The following VPS53 variants were observed in gnomAD, a reference collection of about 807,000 sequenced individuals.
The protein encoded by VPS53 is vacuolar protein sorting-associated protein 53 homolog.
A neutral mutation model predicts 107.0 loss-of-function variants in VPS53; 70 were observed. The observed-to-expected ratio is 0.65, with a 90% CI of 0.54 to 0.80. VPS53 has a LOEUF of 0.80. Ranked by LOEUF, VPS53 falls within the 30% of genes least tolerant of loss-of-function variation. The pLI, the probability that VPS53 is intolerant of heterozygous loss-of-function variation, is 0.00. For missense variants in VPS53, 917 were observed against 1,049.4 expected, an observed-to-expected ratio of 0.87 and a Z score of 1.74; for synonymous variants, 409 against 393.3, an observed-to-expected ratio of 1.04 and a Z score of -0.47.
In VPS53 at chr17:517,290, G is replaced by A. The variant is rs1292567112; in HGVS notation, c.*1838C>T. ...CAAATTTGAGACGCTTGATGCGTGAGAGTCAAACCAGCTAGCAAGGACAGC... is the reference window on the plus strand; with the variant it reads ...CAAATTTGAGACGCTTGATGCGTGAAAGTCAAACCAGCTAGCAAGGACAGC... On this transcript the variant is annotated 3_prime_UTR_variant, in exon 22 of 22. Coordinates refer to ENST00000437048, the MANE Select transcript of VPS53 (RefSeq NM_001128159.3). 4 of 395,356 alleles carry A rather than the reference G, an allele frequency of 1.0e-5. No homozygotes were observed. Among genetic ancestry groups the A allele is most frequent in the Non-Finnish European group, 1.8e-5 (4 of 224,462 alleles). 24.5% of individuals were successfully genotyped at this position (395,356 alleles called of 1,614,324 possible).
At chr17:626,161 A>T (rs1453287377) in intron 10 of VPS53, among the ~76,000 whole-genome samples, 1 of 151,888 alleles carries the variant, frequency 6.6e-6, no homozygotes, top group East Asian at 1.9e-4. Flanking sequence ...GTGAGCCATG[A>T]TCACACCACT....
chr17:543,701 C>T (rs920952180), intron 17 of VPS53, among the ~76,000 whole-genome samples: 8 of 150,410 alleles, frequency 5.3e-5, no homozygotes, highest in African/African-American at 2.0e-4. Context: ...CAAATAACTA[C>T]TTTTTCCAGA....
At chr17:578,202 T>C (rs1418165519) in intron 13 of VPS53, among the ~76,000 whole-genome samples, 1 of 151,972 alleles carries the variant, frequency 6.6e-6, no homozygotes, top group East Asian at 1.9e-4. Flanking sequence ...CAGAATCTAA[T>C]GCATTCCTAG....
intron 6 of VPS53, 29 bp downstream of exon 6, chr17:655,809 C>T: frequency 6.3e-7 from 1 of 1,585,946 alleles, no homozygotes; most frequent in Non-Finnish European, 8.6e-7. Flanking sequence ...TTTCCCGTGG[C>T]CCCAAAAGAG....
intron 18 of VPS53, 47 bp from the exon 19 acceptor site, chr17:532,958 G>A: frequency 6.3e-7 from 1 of 1,588,698 alleles, no homozygotes. Flanking sequence ...CTCTCTTGAG[G>A]AAAGAAATGC....
chr17:651,960 G>A (rs1970969098), intron 7 of VPS53, among the ~76,000 whole-genome samples: 1 of 152,106 alleles, frequency 6.6e-6, no homozygotes, highest in African/African-American at 2.4e-5. Context: ...AGGTTGGGGG[G>A]AAAGTCATCT....
chr17:556,144 T>TGGCCTGTATTTTCA (rs1912325407), intron 15 of VPS53, among the ~76,000 whole-genome samples: 2 of 152,080 alleles, frequency 1.3e-5, no homozygotes, highest in Admixed American at 1.3e-4. Flanking sequence ...CCAGGCATGG[T>TGGCCTGTATTTTCA]GGCAGGTGCC....
At chr17:657,268 G>A (rs1567714426) in intron 5 of VPS53, 23 of 887,074 alleles carry the variant, frequency 2.6e-5, no homozygotes, top group African/African-American at 5.0e-5. Flanking sequence ...TTGGTGTCAC[G>A]GATCAGATGG....
chr17:647,087 C>T (rs934484490), intron 7 of VPS53, among the ~76,000 whole-genome samples: 4 of 152,226 alleles, frequency 2.6e-5, no homozygotes, highest in African/African-American at 9.6e-5. Flanking sequence ...AGCCCTGTCT[C>T]CCTCTGCTGC....
At chr17:683,229 G>A (rs1283737765) in intron 4 of VPS53, among the ~76,000 whole-genome samples, 1 of 152,122 alleles carries the variant, frequency 6.6e-6, no homozygotes, top group Non-Finnish European at 1.5e-5. Flanking sequence ...AACATTTGAA[G>A]AGATAATGGC....
intron 7 of VPS53, among the ~76,000 whole-genome samples, chr17:643,884 G>A (rs331010): frequency 0.35 from 52,881 of 152,166 alleles, 11,026 homozygotes; most frequent in Non-Finnish European, 0.47. Context: ...GGAACTTGTC[G>A]AGGCCATAGA....
chr17:659,802 T>C (rs1474313218), intron 5 of VPS53, among the ~76,000 whole-genome samples: 2 of 152,172 alleles, frequency 1.3e-5, no homozygotes, highest in Admixed American at 6.5e-5. Context: ...CTATCCCTTC[T>C]CTCTACTCCT....
At position 624,150 on chromosome 17, in the gene VPS53, T is replaced by A. The variant is rs569005032; in HGVS notation, c.975-476A>T. Among the ~76,000 whole-genome samples, 4 of 152,202 alleles carry A rather than the reference T, an allele frequency of 2.6e-5. No homozygotes were observed. The South Asian group carries it at 8.3e-4, about 32-fold the overall frequency. ...TGGGATTATAGGTGTGAGCCACCAG[T>A]AATTTGGTTACATAGTTACTACGTT... On this transcript the variant is annotated intron_variant, in intron 10 of 21. Coordinates refer to ENST00000437048, the MANE Select transcript of VPS53 (RefSeq NM_001128159.3).
chr17:710,966 T>A (rs1384145544), intron 1 of VPS53, among the ~76,000 whole-genome samples: 1 of 151,918 alleles, frequency 6.6e-6, no homozygotes, highest in Non-Finnish European at 1.5e-5. Flanking sequence ...AATTAATTAA[T>A]TAATTAAAAT....
intron 19 of VPS53, among the ~76,000 whole-genome samples, chr17:527,256 G>C (rs979452705): frequency 4.6e-5 from 7 of 151,510 alleles, no homozygotes; most frequent in Non-Finnish European, 1.0e-4. Flanking sequence ...CTAGTTGCCT[G>C]CTCATAAACC....
chr17:618,254 A>C (rs1969243964), intron 11 of VPS53, among the ~76,000 whole-genome samples: 7 of 74,096 alleles, frequency 9.4e-5, no homozygotes, highest in Admixed American at 1.3e-4. Flanking sequence ...GGCGTGCACC[A>C]CCACGCCTGC....
At chr17:714,519 G>C in intron 1 of VPS53, 104 bp downstream of exon 1, 7 of 1,122,412 alleles carry the variant, frequency 6.2e-6, no homozygotes, top group Non-Finnish European at 9.0e-6. Flanking sequence ...CTTCTGCCGC[G>C]AGCCCCCGGC....
chr17:544,579 C>G (rs1290080861), intron 17 of VPS53, among the ~76,000 whole-genome samples: 1 of 152,186 alleles, frequency 6.6e-6, no homozygotes, highest in Non-Finnish European at 1.5e-5. Flanking sequence ...CTCAAGTGAC[C>G]TTCCCACCTT....
intron 4 of VPS53, among the ~76,000 whole-genome samples, chr17:687,636 G>A (rs778583113): frequency 6.6e-5 from 10 of 151,720 alleles, no homozygotes; most frequent in African/African-American, 1.7e-4. Flanking sequence ...TACTCGGGAC[G>A]CTGAAGTGAG....
Sources: allele counts gnomAD v4.1 joint callset (sites outside exome capture counted in the v4.1 genomes callset), GRCh38; gene constraint gnomAD v4.1.1; transcripts MANE v1.5; gene names NCBI Gene and HGNC (gene_info 2026-07-23, HGNC 2026-07-21).